VPS13D: variants seen among roughly 807,000 people sequenced by gnomAD.
VPS13D encodes the protein vacuolar protein sorting 13 homolog D, also known as intermembrane lipid transfer protein VPS13D.
A neutral mutation model predicts 461.9 loss-of-function variants in VPS13D; 187 were observed. That is an observed-to-expected ratio of 0.40 (90% CI 0.36 to 0.46). The LOEUF (loss-of-function observed/expected upper bound fraction) is 0.46, where lower values mean the gene tolerates loss of function less well. VPS13D is among the 20% of genes least tolerant of loss of function. The probability of loss-of-function intolerance (pLI) is 0.60; values close to 1 mark genes in which losing one functional copy is unlikely to be tolerated. For missense variants in VPS13D, 4,711 were observed against 5,364.9 expected (o/e 0.88, Z 3.81); for synonymous variants, 1,951 against 1,986.3 (o/e 0.98, Z 0.47).
intron 65 of VPS13D, among the ~76,000 whole-genome samples, chr1:12,431,124 TTAA>T (rs1386374645): frequency 2.6e-5 from 4 of 152,382 alleles, no homozygotes; most frequent in South Asian, 2.1e-4. Flanking sequence ...AAGCCTAGTT[TTAA>T]TAATATTTCA....
intron 46 of VPS13D, among the ~76,000 whole-genome samples, chr1:12,350,103 T>G (rs1266134758): frequency 6.6e-6 from 1 of 152,124 alleles, no homozygotes; most frequent in East Asian, 1.9e-4. Flanking sequence ...ATAGCTGGAG[T>G]TGGTGATTTT....
rs954307636 is a variant in VPS13D, at chr1:12,511,991, A to C, written c.*2967A>C. On this transcript the variant is annotated 3_prime_UTR_variant, in exon 70 of 70. Transcript: ENST00000620676. The surrounding 1 kb of genome is among the most constrained non-coding windows in gnomAD (Gnocchi z 4.5). ...GTGAAGACTCTTGAGTCTGGTTCTC[A>C]TATCAGAGTCATCATTTTTCTTCCT... The C allele has an allele frequency of 1.3e-5, 2 of 152,208 alleles. No individual in the cohort carries two copies. 9.4% of individuals were successfully genotyped at this position (152,208 alleles called of 1,614,324 possible). A position where few individuals can be genotyped will look rare whatever the true frequency, so the allele number is the denominator to read the frequency against.
In VPS13D at chr1:12,373,840, A is replaced by C. The variant is rs756090819; in HGVS notation, c.10899A>C (p.Arg3633Ser). The change falls in exon 55 of 70, where the codon AGA becomes AGC. Residue 3633 changes from arginine to serine, a missense_variant. Coordinates refer to ENST00000620676, the MANE Select transcript of VPS13D (RefSeq NM_015378.4). ...TGGATGTCTCACCCAAGACACAAAGAGTCATTTTAAAAAAGAAGGTAAGAG... is the reference window on the plus strand; with the variant it reads ...TGGATGTCTCACCCAAGACACAAAGCGTCATTTTAAAAAAGAAGGTAAGAG... The part of the protein sequence containing the change: ...LVLDVSPKTQ[R>S]VILKKKEPGK... 1.2e-6 allele frequency: 2 copies of C among 1,606,508 alleles called. No individual in the cohort carries two copies.
At position 12,327,489 on chromosome 1, in the gene VPS13D, C is replaced by T. The variant is rs529515512; in HGVS notation, c.7991-159C>T. On this transcript the variant is annotated intron_variant, in intron 35 of 69. Transcript: ENST00000620676. Reference sequence around the variant, plus strand: ...TCCCACCCCCCACCCCCACCACCCCCACCCTCCTTTTTTATTAAGTCCAAG... The same window carrying T: ...TCCCACCCCCCACCCCCACCACCCCTACCCTCCTTTTTTATTAAGTCCAAG... 7.6e-3 allele frequency among the ~76,000 whole-genome samples: 1,116 copies of T among 147,784 alleles called. 14 individuals are homozygous for T. Among genetic ancestry groups the T allele is most frequent in the African/African-American group, 0.027 (1,065 of 39,686 alleles).
chr1:12,412,914 T>C (rs1570122254), intron 63 of VPS13D, among the ~76,000 whole-genome samples: 2 of 152,194 alleles, frequency 1.3e-5, no homozygotes, highest in East Asian at 3.8e-4. Flanking sequence ...ACAGAGGACT[T>C]GGTATACAGA....
intron 65 of VPS13D, 45 bp from the exon 66 acceptor site, chr1:12,455,953 G>T (rs775675969): frequency 8.3e-6 from 13 of 1,557,672 alleles, no homozygotes; most frequent in Non-Finnish European, 1.0e-5. Context: ...AGTAAAAATA[G>T]TGCCAAGACT....
Position 12,466,147 on chromosome 1 carries a change from A to C in VPS13D, c.12662+5751A>C, listed in dbSNP as rs371192052. 3.9e-5 allele frequency among the ~76,000 whole-genome samples: 6 copies of C among 152,152 alleles called. No individual in the cohort carries two copies. The East Asian group carries it at 9.6e-4, about 24-fold the overall frequency. On this transcript the variant is annotated intron_variant, in intron 67 of 69. Coordinates refer to ENST00000620676, the MANE Select transcript of VPS13D (RefSeq NM_015378.4). ...AGACTCCATCTAAAAAAAAAAAAAA[A>C]ATAGTCTGCAAAGAGAACTTAGGAA...
In VPS13D at chr1:12,242,644, G is replaced by C. The variant is rs72864950; in HGVS notation, c.175+54G>C. On this transcript the variant is annotated intron_variant, in intron 3 of 69. Coordinates refer to ENST00000620676, the MANE Select transcript of VPS13D (RefSeq NM_015378.4). ...ATTTGAGTCTTAAATTGTTTGAGAG[G>C]TGAAAACTGAGAGCCCTGGAGTTTG... 8.0e-4 allele frequency: 1,194 copies of C among 1,498,236 alleles called. 12 individuals carry two copies. The African/African-American group carries it at 0.014, about 18-fold the overall frequency. The allele number at this position is 1,498,236 out of a possible 1,614,324, so 92.8% of individuals were successfully genotyped here.
chr1:12,480,190 G>A (rs891728718), intron 67 of VPS13D, among the ~76,000 whole-genome samples: 2 of 152,228 alleles, frequency 1.3e-5, no homozygotes, highest in Admixed American at 6.5e-5. Flanking sequence ...TCACAGAATA[G>A]CAGTGACACT....
At chr1:12,372,820 G>A (rs976372505) in intron 54 of VPS13D, among the ~76,000 whole-genome samples, 1 of 61,348 alleles carries the variant, frequency 1.6e-5, no homozygotes. Flanking sequence ...TTTTTTTTTT[G>A]CTAATAAGGG....
rs1013353761 is a variant in VPS13D, at chr1:12,476,108, G to A, written c.12662+15712G>A. ...ACCACAGAATGTACAAGAGAGAAGC[G>A]TGCACACCAGTGAGTCTGCTATGGC... is the stretch of plus-strand genomic sequence containing the variant. On this transcript the variant is annotated intron_variant, in intron 67 of 69. Transcript: ENST00000620676. Among the ~76,000 whole-genome samples, 20 of 152,168 alleles carry A rather than the reference G, an allele frequency of 1.3e-4. 1 individual carries two copies. Among genetic ancestry groups the A allele is most frequent in the Admixed American group, 9.8e-4 (15 of 15,274 alleles).
chr1:12,381,901 T>C (rs1001797215), intron 57 of VPS13D, among the ~76,000 whole-genome samples: 5 of 110,300 alleles, frequency 4.5e-5, no homozygotes, highest in Non-Finnish European at 1.1e-4. Flanking sequence ...AGTCTGTCTT[T>C]TTTTCTTTTT....
At position 12,502,629 on chromosome 1, in the gene VPS13D, T is replaced by G. The variant is rs1646050505; in HGVS notation, c.12795-4224T>G. 2.1e-5 allele frequency among the ~76,000 whole-genome samples: 3 copies of G among 144,026 alleles called. No individual in the cohort carries two copies. Among genetic ancestry groups the G allele is most frequent in the South Asian group, 2.2e-4 (1 of 4,588 alleles). 94.5% of individuals were successfully genotyped at this position (144,026 alleles called of 152,430 possible). A position where few individuals can be genotyped will look rare whatever the true frequency, so the allele number is the denominator to read the frequency against. On this transcript the variant is annotated intron_variant, in intron 68 of 69. Coordinates refer to ENST00000620676, the MANE Select transcript of VPS13D (RefSeq NM_015378.4). This position sits in a 1 kb window ranked among gnomAD's most constrained non-coding sequence, Gnocchi z 4.3. ...GAGGGAGTAGAATCAGGTATATAAATGAGTTAATATCGAAAAAAAAAAAAA... is the reference window on the plus strand; with the variant it reads ...GAGGGAGTAGAATCAGGTATATAAAGGAGTTAATATCGAAAAAAAAAAAAA...
In VPS13D at chr1:12,253,702, C is replaced by G. The variant is rs1226213325; in HGVS notation, c.565-20C>G. On this transcript the variant is annotated intron_variant, in intron 6 of 69. Coordinates refer to ENST00000620676, the MANE Select transcript of VPS13D (RefSeq NM_015378.4). ...ATAAAGACAGTCATCCTATTTTCTTCTTTGTCTTTTTTACCTCAGGTACAG... is the reference window on the plus strand; with the variant it reads ...ATAAAGACAGTCATCCTATTTTCTTGTTTGTCTTTTTTACCTCAGGTACAG... The G allele has an allele frequency of 1.9e-6, 3 of 1,571,392 alleles. No homozygotes were observed. Among genetic ancestry groups the G allele is most frequent in the Non-Finnish European group, 2.6e-6 (3 of 1,141,772 alleles).
At position 12,507,048 on chromosome 1, in the gene VPS13D, G is replaced by C. The variant is rs915297075; in HGVS notation, c.12990G>C (p.Thr4330=). 5.0e-6 allele frequency: 8 copies of C among 1,614,134 alleles called. No individual in the cohort carries two copies. The highest frequency in any genetic ancestry group is 4.5e-5 in the East Asian group (2 of 44,902). ...YVQVTKKAVS[T]SSGVSIPGPS... ...AGGTGACCAAGAAAGCCGTGAGCAC[G>C]AGCAGTGGAGTGTCCATCCCCGGCC... The change falls in exon 69 of 70, where the codon ACG becomes ACC. Residue 4330 remains threonine, a synonymous_variant. Coordinates refer to ENST00000620676, the MANE Select transcript of VPS13D (RefSeq NM_015378.4). This position sits in a 1 kb window ranked among gnomAD's most constrained non-coding sequence, Gnocchi z 5.3.
chr1:12,443,527 T>TGA (rs1645154721), intron 65 of VPS13D, among the ~76,000 whole-genome samples: 2 of 152,218 alleles, frequency 1.3e-5, no homozygotes. Context: ...CATCTTTATT[T>TGA]TGCTTCTTTT....
At chr1:12,425,749 T>A (rs925229258) in intron 65 of VPS13D, among the ~76,000 whole-genome samples, 1 of 152,024 alleles carries the variant, frequency 6.6e-6, no homozygotes, top group African/African-American at 2.4e-5. Flanking sequence ...TAAGCCCATT[T>A]TACAGATGAG....
chr1:12,352,946 T>C (rs1415058715), intron 46 of VPS13D, among the ~76,000 whole-genome samples: 2 of 53,098 alleles, frequency 3.8e-5, no homozygotes, highest in African/African-American at 1.6e-4. Context: ...GCCTGGGCAA[T>C]AAGAGTGAAA....
chr1:12,248,274 T>C (rs929402431), intron 5 of VPS13D, among the ~76,000 whole-genome samples: 2 of 152,190 alleles, frequency 1.3e-5, no homozygotes, highest in African/African-American at 4.8e-5. Context: ...CAGATTCTTA[T>C]CAGATTTGCA....
Sources: gnomAD v4.1 joint callset for allele counts (sites outside exome capture counted in the v4.1 genomes callset) on GRCh38, gnomAD v4.1.1 for gene constraint, Gnocchi (gnomAD v3.1) non-coding constraint, MANE v1.5 for transcripts, NCBI Gene and HGNC (gene_info 2026-07-23, HGNC 2026-07-21) for gene names.